Variants in MSN observed in about 807,000 individuals in gnomAD.
The protein encoded by MSN is moesin, also known as epididymis luminal protein 70.
In MSN, 2 loss-of-function variants were observed where a neutral mutation model predicts 48.0. That is an observed-to-expected ratio of 0.04 (90% CI 0.02 to 0.13). The LOEUF is 0.13. Ranked by LOEUF, MSN falls within the 10% of genes least tolerant of loss-of-function variation. The pLI is 1.00. For synonymous variants in MSN, 146 were observed against 166.9 expected (o/e 0.87, Z 0.97); for missense variants, 267 against 470.1 (o/e 0.57, Z 3.99).
intron 1 of MSN, among the ~76,000 whole-genome samples, chrX:65,657,757 C>T (rs977955860): frequency 1.4e-4 from 16 of 111,442 alleles, no homozygotes; most frequent in African/African-American, 4.6e-4. Flanking sequence ...GGGGGTGATG[C>T]GAATCTTAAA....
chrX:65,692,702 G>A (rs1423780747), intron 1 of MSN, among the ~76,000 whole-genome samples: 3 of 111,319 alleles, frequency 2.7e-5, no homozygotes, highest in South Asian at 7.5e-4. Flanking sequence ...GTTTTCAGAC[G>A]GAGTTTTGCT....
At chrX:65,633,645 G>A (rs970787350) in intron 1 of MSN, among the ~76,000 whole-genome samples, 3 of 111,879 alleles carry the variant, frequency 2.7e-5, no homozygotes, top group Non-Finnish European at 3.8e-5. Flanking sequence ...GGACTGGTCC[G>A]CTGTAAACTG....
chrX:65,595,617 G>T, intron 1 of MSN, among the ~76,000 whole-genome samples: 1 of 112,314 alleles, frequency 8.9e-6, no homozygotes, highest in East Asian at 2.8e-4. Flanking sequence ...TTCCAAGTCA[G>T]ACCCATAGAG....
chrX:65,716,271 C>T (rs904306144), intron 1 of MSN, among the ~76,000 whole-genome samples: 4 of 111,107 alleles, frequency 3.6e-5, no homozygotes, highest in Non-Finnish European at 7.5e-5. Flanking sequence ...GGCTGATCTG[C>T]ATTCTTTTTT....
rs1470852848 is a variant in MSN, at chrX:65,611,163, TTCTA to T, written c.-22+22553_-22+22556del. Among the ~76,000 whole-genome samples, 336 of 85,707 alleles carry T rather than the reference TTCTA, an allele frequency of 3.9e-3. 5 individuals are homozygous for T. The highest frequency in any genetic ancestry group is 0.035 in the African/African-American group (316 of 9,150). The allele number at this position is 85,707 out of a possible 115,157, so 74.4% of individuals were successfully genotyped here. A position where few individuals can be genotyped will look rare whatever the true frequency, so the allele number is the denominator to read the frequency against. On this transcript the variant is annotated intron_variant, in intron 1 of 3. Coordinates refer to the MSN transcript ENST00000609672. ...ATCCTTCCTTTCTTTCTTTCTTTCT[TTCTA>T]TTTTTTTTTTTTTTTGGAGTCTTGC...
At chrX:65,640,971 T>A (rs992241853) in intron 1 of MSN, among the ~76,000 whole-genome samples, 6 of 109,813 alleles carry the variant, frequency 5.5e-5, no homozygotes, top group Non-Finnish European at 7.6e-5. Flanking sequence ...TAGCTGGGCG[T>A]GGTGGCTCAT....
upstream of MSN, among the ~76,000 whole-genome samples, chrX:65,664,704 C>A (rs190591816): frequency 9.5e-6 from 1 of 105,692 alleles, no homozygotes; most frequent in Non-Finnish European, 1.9e-5. Flanking sequence ...CTTAGCTCCC[C>A]GAGCCTCTGA....
upstream of MSN, among the ~76,000 whole-genome samples, chrX:65,664,416 G>T (rs1342165974): frequency 1.8e-5 from 2 of 111,727 alleles, no homozygotes; most frequent in African/African-American, 3.3e-5. Flanking sequence ...ACATGCACAT[G>T]TACCCCCTGT....
At chrX:65,605,981 C>T (rs979475291) in intron 1 of MSN, among the ~76,000 whole-genome samples, 1 of 110,713 alleles carries the variant, frequency 9.0e-6, no homozygotes. Context: ...CTTGCTGTGT[C>T]CCCCATGCTG....
chrX:65,734,568 C>T (rs1005154269), intron 7 of MSN, among the ~76,000 whole-genome samples: 3 of 111,604 alleles, frequency 2.7e-5, no homozygotes, highest in East Asian at 2.8e-4. Flanking sequence ...CTGGTGACTT[C>T]GGTCCAGTGG....
At position 65,614,703 on chromosome X, in the gene MSN, C is replaced by CT. The variant is rs552677489; in HGVS notation, c.-22+26103dup. On this transcript the variant is annotated intron_variant, in intron 1 of 3. Transcript: ENST00000609672. ...TCTTTTATTTATTTATTTATTTTTT[C>CT]TTTTTTTTTTTTAATTATACTTTAA... Among the ~76,000 whole-genome samples, 631 of 86,686 alleles carry CT rather than the reference C, an allele frequency of 7.3e-3. 3 individuals carry two copies. The highest frequency in any genetic ancestry group is 9.2e-3 in the Admixed American group (73 of 7,897). 75.3% of individuals were successfully genotyped at this position (86,686 alleles called of 115,157 possible). A position where few individuals can be genotyped will look rare whatever the true frequency, so the allele number is the denominator to read the frequency against.
intron 1 of MSN, among the ~76,000 whole-genome samples, chrX:65,715,565 G>C (rs1407367543): frequency 9.0e-6 from 1 of 111,706 alleles, no homozygotes; most frequent in East Asian, 2.8e-4. Context: ...AGTATTCCTA[G>C]ATATTTATTC....
At chrX:65,636,147 A>G (rs112363996) in intron 1 of MSN, among the ~76,000 whole-genome samples, 2,685 of 111,321 alleles carry the variant, frequency 0.024, 91 homozygotes, top group African/African-American at 0.083. Flanking sequence ...TGGACAGATA[A>G]ACCTATCATA....
intron 1 of MSN, among the ~76,000 whole-genome samples, chrX:65,647,857 A>G (rs1054452768): frequency 5.3e-5 from 6 of 112,265 alleles, no homozygotes; most frequent in Non-Finnish European, 1.1e-4. Context: ...TCTTTTCATC[A>G]TAAAAGCACA....
intron 1 of MSN, among the ~76,000 whole-genome samples, chrX:65,638,119 A>T (rs2070620504): frequency 1.8e-5 from 2 of 112,109 alleles, no homozygotes; most frequent in South Asian, 7.3e-4. Flanking sequence ...ATAACCACAA[A>T]TTCTGTTACA....
chrX:65,695,532 A>AAAAAAAC (rs1407800960), intron 1 of MSN, among the ~76,000 whole-genome samples: 1 of 107,388 alleles, frequency 9.3e-6, no homozygotes, highest in African/African-American at 3.4e-5. Flanking sequence ...AAAAAAAAAA[A>AAAAAAAC]AACAAAGAAA....
intron 1 of MSN, among the ~76,000 whole-genome samples, chrX:65,657,817 G>A (rs2070792761): frequency 8.9e-6 from 1 of 111,841 alleles, no homozygotes; most frequent in Non-Finnish European, 1.9e-5. Flanking sequence ...GACTGAGAAA[G>A]TCACAGATTC....
intron 1 of MSN, among the ~76,000 whole-genome samples, chrX:65,615,254 G>A (rs1187950841): frequency 9.2e-6 from 1 of 108,436 alleles, no homozygotes; most frequent in Admixed American, 9.8e-5. Context: ...GGTATTTCCA[G>A]TTCTAGATCC....
rs764967476 is a variant in MSN, at chrX:65,634,150, C to T, written c.-22+45538C>T. Among the ~76,000 whole-genome samples the T allele has an allele frequency of 6.2e-5, 7 of 112,261 alleles. No homozygotes were observed. In the South Asian group the frequency reaches 2.2e-3, roughly 36 times the overall value. ...GCCTGGCAAAGAGGACTGAGAAGAA[C>T]AGTCAGAGAGCCATTGAAACAGGCC... On this transcript the variant is annotated intron_variant, in intron 1 of 3. Transcript: ENST00000609672.
Sources: gnomAD v4.1 joint callset for allele counts (sites outside exome capture counted in the v4.1 genomes callset) on GRCh38, gnomAD v4.1.1 for gene constraint, MANE v1.5 for transcripts, NCBI Gene and HGNC (gene_info 2026-07-23, HGNC 2026-07-21) for gene names.